L3MBTL3: variants seen among roughly 807,000 people sequenced by gnomAD.
L3MBTL3 encodes the protein L3MBTL histone methyl-lysine binding protein 3.
A neutral mutation model predicts 102.3 loss-of-function variants in L3MBTL3; 27 were observed. The observed-to-expected ratio is 0.26, with a 90% CI of 0.19 to 0.36. The LOEUF (loss-of-function observed/expected upper bound fraction) is 0.36, where lower values mean the gene tolerates loss of function less well. Ranked by LOEUF, L3MBTL3 falls within the 10% of genes least tolerant of loss-of-function variation. The probability of loss-of-function intolerance (pLI) is 1.00; values close to 1 mark genes in which losing one functional copy is unlikely to be tolerated. For synonymous variants in L3MBTL3, 340 were observed against 320.9 expected (o/e 1.06, Z -0.64); for missense variants, 798 against 955.3 (o/e 0.84, Z 2.17).
intron 19 of L3MBTL3, among the ~76,000 whole-genome samples, chr6:130,120,386 G>A (rs1036230504): frequency 3.9e-5 from 6 of 152,224 alleles, no homozygotes; most frequent in Non-Finnish European, 5.9e-5. Context: ...TCACTTCAGC[G>A]GGTGGACTTG....
intron 16 of L3MBTL3, 141 bp from the exon 17 acceptor site, chr6:130,092,604 A>G (rs560362367): frequency 5.3e-6 from 3 of 562,116 alleles, no homozygotes; most frequent in East Asian, 3.0e-5. Flanking sequence ...TGAGTGAAGT[A>G]TTTTGAATAA....
intron 6 of L3MBTL3, 55 bp downstream of exon 6, chr6:130,051,463 G>C (rs1221907252): frequency 3.4e-6 from 5 of 1,470,842 alleles, no homozygotes; most frequent in Non-Finnish European, 4.7e-6. Flanking sequence ...CAAAGTCATG[G>C]TGCCTGAGAA....
intron 2 of L3MBTL3, among the ~76,000 whole-genome samples, chr6:130,036,383 C>T (rs905463592): frequency 6.6e-6 from 1 of 152,058 alleles, no homozygotes. Context: ...TATTTTTATG[C>T]TATAATATTG....
chr6:130,019,862 G>C (rs1343575141), intron 1 of L3MBTL3, among the ~76,000 whole-genome samples: 1 of 139,334 alleles, frequency 7.2e-6, no homozygotes, highest in African/African-American at 2.6e-5. Flanking sequence ...GTCCGCGCGG[G>C]AGAGGGCGCG....
intron 19 of L3MBTL3, among the ~76,000 whole-genome samples, chr6:130,118,569 C>A (rs1031473199): frequency 6.6e-6 from 1 of 152,154 alleles, no homozygotes; most frequent in Non-Finnish European, 1.5e-5. Context: ...GGGGTATAGG[C>A]GCTTTTAATT....
At chr6:130,089,236 G>A (rs1783883511) in intron 16 of L3MBTL3, among the ~76,000 whole-genome samples, 1 of 148,818 alleles carries the variant, frequency 6.7e-6, no homozygotes, top group Non-Finnish European at 1.5e-5. Flanking sequence ...CCCATGACAG[G>A]CCCCAGTGTG....
chr6:130,118,461 C>A (rs896664791), intron 19 of L3MBTL3, among the ~76,000 whole-genome samples: 1 of 152,160 alleles, frequency 6.6e-6, no homozygotes, highest in Non-Finnish European at 1.5e-5. Context: ...TCTATTCACC[C>A]ATCTGTTTCA....
At position 130,053,693 on chromosome 6, in the gene L3MBTL3, G is replaced by A. The variant is rs139699395; in HGVS notation, c.582+702G>A. Among the ~76,000 whole-genome samples the A allele has an allele frequency of 3.6e-3, 551 of 151,762 alleles. 5 individuals carry two copies. The highest frequency in any genetic ancestry group is 0.013 in the African/African-American group (521 of 41,480). On this transcript the variant is annotated intron_variant, in intron 7 of 22. Transcript: ENST00000361794. Reference sequence around the variant, plus strand: ...TTAAAAAATGGCACACAAATATCAGGTATATTTGGGGAAAAGCCATTCAAA... The same window carrying A: ...TTAAAAAATGGCACACAAATATCAGATATATTTGGGGAAAAGCCATTCAAA...
intron 1 of L3MBTL3, among the ~76,000 whole-genome samples, chr6:130,021,721 C>G (rs140241555): frequency 1.3e-5 from 2 of 152,266 alleles, no homozygotes; most frequent in African/African-American, 2.4e-5. Flanking sequence ...TATATAGTTT[C>G]TTAGCTGTAT....
In L3MBTL3 at chr6:130,104,573, CAG is replaced by C; in HGVS notation, c.1885_1886del (p.Asp630ProfsTer4). Reference sequence around the variant, plus strand: ...ATGAAAGCTCTTCTTCCCCTGAAATCAGGTAATCAAAGAGCTAATATTAGCAT... The same window carrying C: ...ATGAAAGCTCTTCTTCCCCTGAAATCGTAATCAAAGAGCTAATATTAGCAT... ...ANESSSSPEI[R>X]DQHADDVKED... On this transcript the variant is annotated frameshift_variant and splice_region_variant, in exon 19 of 23. Transcript: ENST00000361794. LOFTEE classifies it high-confidence loss of function. 6.4e-7 allele frequency: 1 copy of C among 1,560,112 alleles called. No homozygotes were observed. The highest frequency in any genetic ancestry group is 8.6e-7 in the Non-Finnish European group (1 of 1,159,056).
intron 19 of L3MBTL3, among the ~76,000 whole-genome samples, chr6:130,119,636 C>G (rs1365205408): frequency 6.6e-6 from 1 of 152,054 alleles, no homozygotes. Flanking sequence ...TAATGATTCT[C>G]CCCCATTTTC....
At chr6:130,063,745 C>G (rs940379351) in intron 10 of L3MBTL3, among the ~76,000 whole-genome samples, 2 of 152,162 alleles carry the variant, frequency 1.3e-5, no homozygotes, top group Non-Finnish European at 2.9e-5. Flanking sequence ...CCTTTTGGCA[C>G]TTAGGGACAC....
intron 20 of L3MBTL3, among the ~76,000 whole-genome samples, chr6:130,127,114 TG>T (rs1786658502): frequency 6.6e-6 from 1 of 152,214 alleles, no homozygotes; most frequent in Admixed American, 6.5e-5. Context: ...TAATGTCTCT[TG>T]GGTAATCTCT....
intron 18 of L3MBTL3, among the ~76,000 whole-genome samples, chr6:130,094,868 T>TA (rs916107619): frequency 7.9e-5 from 12 of 151,350 alleles, no homozygotes; most frequent in Non-Finnish European, 1.2e-4. Context: ...TAAGTAACTT[T>TA]AAAAAAAAAC....
chr6:130,083,703 G>T lies in L3MBTL3; in HGVS notation c.1405G>T (p.Val469Leu). ...SLPAPARAFK[V>L]KPPHGFQKKM... ...ACCTGCTCCTGCAAGAGCTTTCAAA[G>T]TGGTAAGATGATACATTTTATTAAT... Residue 469 changes from valine (V) to leucine (L), a missense_variant and splice_region_variant, in exon 15 of 23, where the codon GTG becomes TTG. Transcript: ENST00000361794. 6.7e-7 allele frequency: 1 copy of T among 1,481,704 alleles called. No individual in the cohort carries two copies. The highest frequency in any genetic ancestry group is 9.3e-7 in the Non-Finnish European group (1 of 1,080,928). The allele number at this position is 1,481,704 out of a possible 1,614,324, so 91.8% of individuals were successfully genotyped here. A position where few individuals can be genotyped will look rare whatever the true frequency, so the allele number is the denominator to read the frequency against.
chr6:130,094,196 G>T, intron 17 of L3MBTL3, 69 bp from the exon 18 acceptor site: 1 of 1,229,390 alleles, frequency 8.1e-7, no homozygotes, highest in South Asian at 1.3e-5. Flanking sequence ...TTCTGATCCA[G>T]ACATTTGACT....
At chr6:130,059,284 A>G (rs1243311542) in intron 9 of L3MBTL3, among the ~76,000 whole-genome samples, 1 of 152,198 alleles carries the variant, frequency 6.6e-6, no homozygotes, top group South Asian at 2.1e-4. Flanking sequence ...CAATATATAT[A>G]TACACAGATC....
chr6:130,033,763 G>T (rs1011650075), intron 2 of L3MBTL3, among the ~76,000 whole-genome samples: 7 of 152,102 alleles, frequency 4.6e-5, no homozygotes, highest in African/African-American at 1.7e-4. Context: ...AAATGTACTT[G>T]TTAACTATGA....
chr6:130,073,988 G>GT (rs1782792385), intron 13 of L3MBTL3, among the ~76,000 whole-genome samples: 1 of 152,264 alleles, frequency 6.6e-6, no homozygotes, highest in East Asian at 1.9e-4. Context: ...AATGGAAATT[G>GT]TTTAAGTGCT....
Sources: allele counts gnomAD v4.1 joint callset (sites outside exome capture counted in the v4.1 genomes callset), GRCh38; gene constraint gnomAD v4.1.1; transcripts MANE v1.5; gene names NCBI Gene and HGNC (gene_info 2026-07-23, HGNC 2026-07-21).